SPOCK3: variants seen among roughly 807,000 people sequenced by gnomAD.
The protein encoded by SPOCK3 is SPARC (osteonectin), cwcv and kazal like domains proteoglycan 3.
SPOCK3 carries 30 observed loss-of-function variants against 56.6 expected under a neutral mutation model. The ratio of observed to expected loss-of-function variants is 0.53; its 90% confidence interval spans 0.40 to 0.72. SPOCK3 has a LOEUF of 0.72. Among genes scored for constraint, SPOCK3 ranks in the 30% least tolerant of loss-of-function variants. The pLI, the probability that SPOCK3 is intolerant of heterozygous loss-of-function variation, is 0.00. For synonymous variants in SPOCK3, 196 were observed against 183.3 expected, an observed-to-expected ratio of 1.07 and a Z score of -0.56; for missense variants, 527 against 530.0, an observed-to-expected ratio of 0.99 and a Z score of 0.06.
At chr4:167,138,119 T>C (rs1316000358) in intron 2 of SPOCK3, among the ~76,000 whole-genome samples, 1 of 151,734 alleles carries the variant, frequency 6.6e-6, no homozygotes, top group Non-Finnish European at 1.5e-5. Flanking sequence ...TCACTTTTTA[T>C]TGAGTGATGT....
At chr4:167,076,869 TTC>T (rs1470239314) in intron 2 of SPOCK3, among the ~76,000 whole-genome samples, 4 of 151,890 alleles carry the variant, frequency 2.6e-5, no homozygotes. Flanking sequence ...ATTTTATATA[TTC>T]TTTTAATAAC....
chr4:166,907,070 G>A (rs1205964065), intron 5 of SPOCK3, among the ~76,000 whole-genome samples: 2 of 151,970 alleles, frequency 1.3e-5, no homozygotes, highest in African/African-American at 4.8e-5. Flanking sequence ...TTATACATAT[G>A]CACACACACA....
chr4:167,093,454 C>G (rs1192820356), intron 2 of SPOCK3, among the ~76,000 whole-genome samples: 1 of 152,078 alleles, frequency 6.6e-6, no homozygotes, highest in Non-Finnish European at 1.5e-5. Context: ...CCCCCCATCC[C>G]CTGACAGGCC....
At chr4:167,166,161 A>G (rs1378922872) in intron 2 of SPOCK3, among the ~76,000 whole-genome samples, 1 of 152,104 alleles carries the variant, frequency 6.6e-6, no homozygotes, top group East Asian at 1.9e-4. Context: ...ATCAAATCCA[A>G]TATAGCTATT....
At chr4:167,144,557 G>C (rs934662119) in intron 2 of SPOCK3, among the ~76,000 whole-genome samples, 3 of 151,614 alleles carry the variant, frequency 2.0e-5, no homozygotes, top group Non-Finnish European at 2.9e-5. Context: ...TAAAAGCAGA[G>C]GAAAAAGAAT....
At chr4:167,146,296 C>T (rs917528141) in intron 2 of SPOCK3, among the ~76,000 whole-genome samples, 1 of 152,038 alleles carries the variant, frequency 6.6e-6, no homozygotes, top group East Asian at 1.9e-4. Context: ...TACATGAGAA[C>T]GCAGATTCAT....
At chr4:167,095,027 T>C (rs943408961) in intron 2 of SPOCK3, among the ~76,000 whole-genome samples, 7 of 152,078 alleles carry the variant, frequency 4.6e-5, no homozygotes, top group Non-Finnish European at 7.4e-5. Context: ...TCGAAGACAG[T>C]CAGTCAGAGG....
At chr4:166,885,678 A>G (rs544380179) in intron 6 of SPOCK3, among the ~76,000 whole-genome samples, 93 of 60,748 alleles carry the variant, frequency 1.5e-3, no homozygotes, top group African/African-American at 5.5e-3. Context: ...TCAACAATTC[A>G]AACTACAAGG....
intron 7 of SPOCK3, among the ~76,000 whole-genome samples, chr4:166,771,581 C>T (rs1015606805): frequency 1.3e-5 from 2 of 151,974 alleles, no homozygotes; most frequent in Non-Finnish European, 2.9e-5. Flanking sequence ...AGCAAGCATG[C>T]ACACCTGTAT....
At chr4:167,062,449 T>A (rs1482968129) in intron 3 of SPOCK3, 43 bp downstream of exon 3, 3 of 1,424,882 alleles carry the variant, frequency 2.1e-6, no homozygotes, top group Admixed American at 1.7e-5. Flanking sequence ...ACAATGATTA[T>A]GAACATGTAA....
intron 7 of SPOCK3, 81 bp downstream of exon 7, chr4:166,792,088 TA>T: frequency 6.7e-7 from 1 of 1,490,556 alleles, no homozygotes; most frequent in Non-Finnish European, 9.3e-7. Flanking sequence ...AATACTGAAA[TA>T]TGTGTTTTGT....
At chr4:166,875,410 G>T (rs920319971) in intron 6 of SPOCK3, among the ~76,000 whole-genome samples, 3 of 151,856 alleles carry the variant, frequency 2.0e-5, no homozygotes, top group African/African-American at 7.2e-5. Context: ...TAATATTATT[G>T]CTGTCTACAA....
At chr4:167,146,402 C>T (rs1467427286) in intron 2 of SPOCK3, among the ~76,000 whole-genome samples, 5 of 151,980 alleles carry the variant, frequency 3.3e-5, no homozygotes, top group Non-Finnish European at 5.9e-5. Context: ...GACAGATCAA[C>T]GAGACAGAAA....
chr4:167,206,112 T>TCA (rs1734304370), intron 2 of SPOCK3, among the ~76,000 whole-genome samples: 1 of 151,996 alleles, frequency 6.6e-6, no homozygotes. Flanking sequence ...TCACTTGAGG[T>TCA]CAGGAGTTCG....
chr4:166,778,234 A>G (rs181833063), intron 7 of SPOCK3, among the ~76,000 whole-genome samples: 1 of 152,342 alleles, frequency 6.6e-6, no homozygotes, highest in Non-Finnish European at 1.5e-5. Flanking sequence ...ATTGTAGTAA[A>G]TGAGGTTATT....
intron 4 of SPOCK3, among the ~76,000 whole-genome samples, chr4:166,951,376 A>T (rs1742597522): frequency 7.2e-6 from 1 of 138,830 alleles, no homozygotes; most frequent in East Asian, 2.0e-4. Flanking sequence ...CCCAAGACTA[A>T]ACCAGGAAGA....
At chr4:166,931,640 C>G (rs973611777) in intron 4 of SPOCK3, among the ~76,000 whole-genome samples, 1 of 152,152 alleles carries the variant, frequency 6.6e-6, no homozygotes, top group African/African-American at 2.4e-5. Context: ...TAATTGGTAT[C>G]TATTCTTCAT....
intron 3 of SPOCK3, among the ~76,000 whole-genome samples, chr4:167,011,635 G>A (rs1032162718): frequency 6.6e-6 from 1 of 152,064 alleles, no homozygotes; most frequent in Non-Finnish European, 1.5e-5. Context: ...AAGAATTTGA[G>A]TATGTCTTAG....
intron 2 of SPOCK3, among the ~76,000 whole-genome samples, chr4:167,132,904 T>G (rs144121852): frequency 6.6e-6 from 1 of 152,324 alleles, no homozygotes; most frequent in Non-Finnish European, 1.5e-5. Context: ...AGGTCCTTAA[T>G]GTCATCTGCT....
Sources: allele counts gnomAD v4.1 joint callset (sites outside exome capture counted in the v4.1 genomes callset), GRCh38; gene constraint gnomAD v4.1.1; transcripts MANE v1.5; gene names NCBI Gene and HGNC (gene_info 2026-07-23, HGNC 2026-07-21).